NEK11: variants seen among roughly 807,000 people sequenced by gnomAD.
The protein encoded by NEK11 is serine/threonine-protein kinase Nek11.
Under a neutral mutation model 80.7 loss-of-function variants are expected in NEK11, and 72 were observed. That is an observed-to-expected ratio of 0.89 (90% CI 0.74 to 1.08). The LOEUF (loss-of-function observed/expected upper bound fraction) is 1.08, where lower values mean the gene tolerates loss of function less well. NEK11 is among the 50% of genes least tolerant of loss of function. The pLI, the probability that NEK11 is intolerant of heterozygous loss-of-function variation, is 0.00. For synonymous variants in NEK11, 251 were observed against 260.7 expected (o/e 0.96, Z 0.36); for missense variants, 764 against 763.6 (o/e 1.00, Z -0.01).
At chr3:131,236,935 A>G (rs2095440342) in intron 15 of NEK11, among the ~76,000 whole-genome samples, 1 of 152,228 alleles carries the variant, frequency 6.6e-6, no homozygotes, top group African/African-American at 2.4e-5. Context: ...AAGAAGATGG[A>G]TAAGGTCACC....
At chr3:131,195,799 T>C (rs1160404817) in intron 14 of NEK11, among the ~76,000 whole-genome samples, 2 of 143,200 alleles carry the variant, frequency 1.4e-5, no homozygotes, top group Admixed American at 7.0e-5. Context: ...TCAGAATATA[T>C]ATATATATAT....
At chr3:131,087,235 C>CTTTTTTTTTTTTTTTTTTTTTTTTT (rs59630167) in intron 4 of NEK11, among the ~76,000 whole-genome samples, 1 of 81,204 alleles carries the variant, frequency 1.2e-5, no homozygotes, top group Non-Finnish European at 2.3e-5. Flanking sequence ...TATGCAAATT[C>CTTTTTTTTTTTTTTTTTTTTTTTTT]TTTTTTTTTT....
intron 7 of NEK11, among the ~76,000 whole-genome samples, chr3:131,135,171 G>T (rs567630684): frequency 6.6e-6 from 1 of 152,120 alleles, no homozygotes; most frequent in African/African-American, 2.4e-5. Flanking sequence ...CCTTGTTCTC[G>T]TGCCTACCAA....
At chr3:131,063,016 A>G (rs1415689112) in intron 3 of NEK11, among the ~76,000 whole-genome samples, 1 of 152,188 alleles carries the variant, frequency 6.6e-6, no homozygotes, top group Non-Finnish European at 1.5e-5. Context: ...ATGAAGTTTT[A>G]AAAAATTATT....
At chr3:131,121,402 G>A (rs1290001625) in intron 5 of NEK11, among the ~76,000 whole-genome samples, 2 of 152,222 alleles carry the variant, frequency 1.3e-5, no homozygotes, top group Non-Finnish European at 1.5e-5. Flanking sequence ...CCCCTACTGG[G>A]ATGTGCCTCC....
intron 3 of NEK11, among the ~76,000 whole-genome samples, chr3:131,077,108 TAGAA>T (rs959626456): frequency 3.3e-5 from 5 of 152,202 alleles, no homozygotes; most frequent in African/African-American, 9.7e-5. Flanking sequence ...TCACTGATGC[TAGAA>T]AGAAAGAAAG....
In NEK11 at chr3:131,052,159, T is replaced by C. The variant is rs1205232399; in HGVS notation, c.170+22281T>C. ...GTTTTTTTTTTTTTTGCTTTTTTCATATGACACAATATCTTGGAGATATTT... is the reference window on the plus strand; with the variant it reads ...GTTTTTTTTTTTTTTGCTTTTTTCACATGACACAATATCTTGGAGATATTT... On this transcript the variant is annotated intron_variant, in intron 3 of 17. Transcript: ENST00000383366. 7.4e-5 allele frequency among the ~76,000 whole-genome samples: 11 copies of C among 149,298 alleles called. No homozygotes were observed. The East Asian group carries it at 2.2e-3, about 30-fold the overall frequency.
At chr3:131,129,079 A>T in intron 5 of NEK11, among the ~76,000 whole-genome samples, 1 of 107,890 alleles carries the variant, frequency 9.3e-6, no homozygotes. Flanking sequence ...TTTGAGACTG[A>T]GTCTCGCTCT....
chr3:131,185,518 A>G (rs906325241), intron 14 of NEK11, among the ~76,000 whole-genome samples: 2 of 152,122 alleles, frequency 1.3e-5, no homozygotes, highest in Admixed American at 6.6e-5. Flanking sequence ...CAGAAATGCT[A>G]TTCCCTACTG....
intron 16 of NEK11, among the ~76,000 whole-genome samples, chr3:131,253,375 A>G (rs1241296701): frequency 6.6e-6 from 1 of 152,134 alleles, no homozygotes; most frequent in African/African-American, 2.4e-5. Context: ...TTCTAGGCAG[A>G]ATTAGGAGAA....
At chr3:131,251,625 T>G (rs1042315068) in intron 16 of NEK11, among the ~76,000 whole-genome samples, 1 of 152,146 alleles carries the variant, frequency 6.6e-6, no homozygotes, top group African/African-American at 2.4e-5. Context: ...ACCTTTACTC[T>G]GCTTATGTCC....
At chr3:131,143,445 C>T (rs2087416708) in intron 7 of NEK11, among the ~76,000 whole-genome samples, 2 of 151,964 alleles carry the variant, frequency 1.3e-5, no homozygotes, top group Admixed American at 6.6e-5. Flanking sequence ...CAAGGGGACA[C>T]CTTATAACTT....
chr3:131,276,088 A>G (rs1057434914), intron 17 of NEK11, among the ~76,000 whole-genome samples: 1 of 152,196 alleles, frequency 6.6e-6, no homozygotes, highest in African/African-American at 2.4e-5. Context: ...AAGAAAAAGG[A>G]GGAGAAGCTG....
rs1166859175 is a variant in NEK11, at chr3:131,333,704, T to G, written c.1719-15853T>G. ...GATAAAGAGTCAAGACCCATCAGTG[T>G]GCTGTATTCAGGAAACCCATCTCAT... On this transcript the variant is annotated intron_variant, in intron 17 of 17. Coordinates refer to ENST00000383366, the MANE Select transcript of NEK11 (RefSeq NM_024800.5). 3.3e-5 allele frequency among the ~76,000 whole-genome samples: 5 copies of G among 152,316 alleles called. No homozygotes were observed. In the East Asian group the frequency reaches 9.6e-4, roughly 29 times the overall value.
chr3:131,255,122 A>AAGAAAGAAAGAAAGAG, intron 16 of NEK11, among the ~76,000 whole-genome samples: 1 of 144,682 alleles, frequency 6.9e-6, no homozygotes, highest in East Asian at 2.1e-4. Flanking sequence ...GAAAGAAAGA[A>AAGAAAGAAAGAAAGAG]AGAAAGAGAG....
intron 4 of NEK11, chr3:131,109,459 C>G (rs1407633699): frequency 1.2e-5 from 2 of 163,918 alleles, no homozygotes; most frequent in African/African-American, 4.8e-5. Context: ...CAGGCATTGG[C>G]TGGAAGAAAC....
intron 3 of NEK11, among the ~76,000 whole-genome samples, chr3:131,039,614 A>C (rs2066155804): frequency 1.3e-5 from 2 of 152,216 alleles, no homozygotes; most frequent in South Asian, 4.1e-4. Context: ...AGAGTAATAT[A>C]GGCAATTTTG....
chr3:131,270,210 C>A (rs1303980141), intron 16 of NEK11, among the ~76,000 whole-genome samples: 1 of 152,114 alleles, frequency 6.6e-6, no homozygotes, highest in Non-Finnish European at 1.5e-5. Context: ...ACAGACCCCC[C>A]AAAAAACAGC....
chr3:131,101,075 G>T (rs1248013169), intron 4 of NEK11, among the ~76,000 whole-genome samples: 1 of 152,068 alleles, frequency 6.6e-6, no homozygotes, highest in Non-Finnish European at 1.5e-5. Context: ...TATGGGATTG[G>T]TTGTAATATC....
Sources: allele counts gnomAD v4.1 joint callset (sites outside exome capture counted in the v4.1 genomes callset), GRCh38; gene constraint gnomAD v4.1.1; transcripts MANE v1.5; gene names NCBI Gene and HGNC (gene_info 2026-07-23, HGNC 2026-07-21).